MPRIP: variants seen among roughly 807,000 people sequenced by gnomAD.
MPRIP encodes myosin phosphatase Rho interacting protein.
Under a neutral mutation model 234.9 loss-of-function variants are expected in MPRIP, and 59 were observed. The observed-to-expected ratio is 0.25, with a 90% confidence interval of 0.20 to 0.31. The LOEUF (loss-of-function observed/expected upper bound fraction) is 0.31. MPRIP is among the 10% of genes least tolerant of loss of function. The pLI is 1.00. For synonymous variants in MPRIP, 1,144 were observed against 1,263.9 expected (o/e 0.91, Z 2.01); for missense variants, 2,436 against 3,071.0 (o/e 0.79, Z 4.89).
At position 17,165,128 on chromosome 17, in the gene MPRIP, G is replaced by C; in HGVS notation, c.3537G>C (p.Lys1179Asn). 5 of 1,304,246 alleles carry C rather than the reference G, an allele frequency of 3.8e-6. No homozygotes were observed. The highest frequency in any genetic ancestry group is 5.1e-6 in the Non-Finnish European group (5 of 988,990). The allele number at this position is 1,304,246 out of a possible 1,614,324, so 80.8% of individuals were successfully genotyped here. ...ELERIKEAHE[K>N]VLEKKEQDLN... ...AGCGCATTAAGGAAGCACATGAGAA[G>C]GTTCTGGAGAAGAAGGAGCAGGACC... The change falls in exon 16 of 24, where the codon AAG (lysine) becomes AAC (asparagine). Residue 1179 changes from lysine (K) to asparagine (N), a missense_variant. Physicochemically the swap from Lys to Asn is moderately conservative, Grantham distance 94. Around this residue, in one of 4 missense-constraint regions of MPRIP, gnomAD observed 1,998 missense variants for 2,520.3 expected, o/e 0.79. Coordinates refer to ENST00000651222, the MANE Select transcript of MPRIP (RefSeq NM_001364716.4).
Position 17,164,732 on chromosome 17 carries a change from C to T in MPRIP, c.3141C>T (p.Ala1047=), listed in dbSNP as rs1159004760. ...LQNLKEVEDK[A]SAYEDQLQGQ... is the part of the protein sequence containing the mutation. ...ACCTAAAGGAAGTGGAAGACAAGGC[C>T]AGCGCCTATGAGGACCAGCTGCAGG... is the stretch of plus-strand genomic sequence containing the variant. Residue 1047 remains alanine, a synonymous_variant, in exon 16 of 24, where the codon GCC becomes GCT. Coordinates refer to ENST00000651222, the MANE Select transcript of MPRIP (RefSeq NM_001364716.4). The T allele has an allele frequency of 7.7e-7, 1 of 1,300,568 alleles. No individual in the cohort carries two copies. Among genetic ancestry groups the T allele is most frequent in the Non-Finnish European group, 1.0e-6 (1 of 987,734 alleles). The allele number at this position is 1,300,568 out of a possible 1,614,324, so 80.6% of individuals were successfully genotyped here.
chr17:17,082,675 TA>T (rs2089492475), intron 3 of MPRIP, among the ~76,000 whole-genome samples: 1 of 152,180 alleles, frequency 6.6e-6, no homozygotes. Flanking sequence ...TCAGTGGCAT[TA>T]AGTACATTCA....
intron 3 of MPRIP, among the ~76,000 whole-genome samples, chr17:17,118,981 T>C (rs2090337311): frequency 6.6e-6 from 1 of 152,094 alleles, no homozygotes; most frequent in African/African-American, 2.4e-5. Flanking sequence ...ATCGGGCTCC[T>C]AGAAGCAGTT....
intron 14 of MPRIP, 51 bp downstream of exon 14, chr17:17,159,053 G>A: frequency 6.5e-7 from 1 of 1,544,624 alleles, no homozygotes; most frequent in Non-Finnish European, 8.8e-7. Flanking sequence ...CCTTTCCAGA[G>A]CATCAGCTGT....
intron 1 of MPRIP, among the ~76,000 whole-genome samples, chr17:17,046,858 C>T (rs763399558): frequency 5.9e-5 from 9 of 152,208 alleles, no homozygotes; most frequent in East Asian, 1.9e-4. Flanking sequence ...CGAATGAGTT[C>T]GAATGAGTTA....
rs1399174681 is a variant in MPRIP at position 17,137,774 on chromosome 17, T to G, written c.737-142T>G. On this transcript the variant is annotated intron_variant, in intron 6 of 23. Transcript: ENST00000651222. The stretch of plus-strand genomic sequence containing the variant: ...GGTTCTTTCCGTCTCACTCTGCCCT[T>G]GAGTGGGGTGTGCTGGATGTTAGAG... The G allele has an allele frequency of 6.9e-6, 4 of 581,430 alleles. No homozygotes were observed. The East Asian group carries it at 1.3e-4, about 19-fold the overall frequency. 36.0% of individuals were successfully genotyped at this position (581,430 alleles called of 1,614,324 possible). A position where few individuals can be genotyped will look rare whatever the true frequency, so the allele number is the denominator to read the frequency against.
intron 3 of MPRIP, among the ~76,000 whole-genome samples, chr17:17,105,161 C>T (rs2090038834): frequency 6.6e-6 from 1 of 152,204 alleles, no homozygotes; most frequent in Non-Finnish European, 1.5e-5. Context: ...CTGGGATGGG[C>T]ATCGCTTTCT....
chr17:17,121,359 TAGAG>T (rs1292662250), intron 3 of MPRIP, among the ~76,000 whole-genome samples: 3 of 152,206 alleles, frequency 2.0e-5, no homozygotes, highest in South Asian at 4.1e-4. Flanking sequence ...TAGCAAAACA[TAGAG>T]GGAGCTGTTG....
intron 1 of MPRIP, among the ~76,000 whole-genome samples, chr17:17,058,514 G>C (rs540404802): frequency 4.7e-5 from 7 of 147,918 alleles, no homozygotes; most frequent in Admixed American, 3.3e-4. Context: ...AGCCCCAGGG[G>C]CCATGGAGAG....
intron 3 of MPRIP, among the ~76,000 whole-genome samples, chr17:17,081,196 A>G (rs2089454379): frequency 1.3e-5 from 2 of 152,084 alleles, no homozygotes; most frequent in Non-Finnish European, 2.9e-5. Context: ...TGATGTTACC[A>G]TTTGATTTCA....
In MPRIP at chr17:17,158,740, G is replaced by A. The variant is rs1156956660; in HGVS notation, c.2138G>A (p.Arg713His). The change falls in exon 14 of 24, where the codon CGC (arginine) becomes CAC (histidine). Residue 713 changes from arginine to histidine, a missense_variant. By Grantham distance (29) the Arg-to-His change is conservative. This residue lies in a region of MPRIP where 1,998 missense variants were observed against 2,520.3 expected (regional missense o/e 0.79). Coordinates refer to ENST00000651222, the MANE Select transcript of MPRIP (RefSeq NM_001364716.4). ...RARRREERRK[R>H]FGMLDATDGP... ...CGGAGGCGGGAGGAGCGCCGCAAGCGCTTCGGGATGCTCGACGCCACAGAC... is the reference window on the plus strand; with the variant it reads ...CGGAGGCGGGAGGAGCGCCGCAAGCACTTCGGGATGCTCGACGCCACAGAC... 7 of 1,611,108 alleles carry A rather than the reference G, an allele frequency of 4.3e-6. No individual in the cohort carries two copies. The highest frequency in any genetic ancestry group is 1.7e-5 in the Admixed American group (1 of 60,006).
intron 6 of MPRIP, 51 bp downstream of exon 6, chr17:17,136,501 A>G (rs780661463): frequency 3.9e-6 from 6 of 1,532,024 alleles, no homozygotes; most frequent in Middle Eastern, 1.7e-4. Context: ...CCTCCCTCCC[A>G]TCAGAGCTGG....
intron 1 of MPRIP, among the ~76,000 whole-genome samples, chr17:17,055,016 C>A (rs2088650264): frequency 6.6e-6 from 1 of 151,130 alleles, no homozygotes; most frequent in Non-Finnish European, 1.5e-5. Context: ...CGCCACTGCA[C>A]TCCAACCTGG....
In MPRIP at chr17:17,167,654, G is replaced by A; in HGVS notation, c.6063G>A (p.Gln2021=). The change falls in exon 16 of 24, where the codon CAG becomes CAA. Residue 2021 remains glutamine, a synonymous_variant. Transcript: ENST00000651222. This position sits in a 1 kb window ranked among gnomAD's most constrained non-coding sequence, Gnocchi z 5.9. ...TIHEEELRTL[Q]EHYSQSLRCL... ...ACGAGGAGGAGCTGAGGACCCTGCA[G>A]GAGCACTACTCGCAGAGCCTGAGGT... 1 of 1,304,274 alleles carries A rather than the reference G, an allele frequency of 7.7e-7. No individual in the cohort carries two copies. Among genetic ancestry groups the A allele is most frequent in the Non-Finnish European group, 1.0e-6 (1 of 988,966 alleles). 80.8% of individuals were successfully genotyped at this position (1,304,274 alleles called of 1,614,324 possible).
intron 1 of MPRIP, among the ~76,000 whole-genome samples, chr17:17,050,224 A>G (rs1378987580): frequency 6.1e-5 from 9 of 147,808 alleles, no homozygotes; most frequent in African/African-American, 9.9e-5. Context: ...CTGAGGCAGG[A>G]GAATGGTGTG....
chr17:17,062,341 G>A (rs2088892466), intron 1 of MPRIP, among the ~76,000 whole-genome samples: 1 of 152,278 alleles, frequency 6.6e-6, no homozygotes, highest in Non-Finnish European at 1.5e-5. Context: ...GCCATGTAGT[G>A]GCATTTACAT....
At position 17,122,724 on chromosome 17, in the gene MPRIP, A is replaced by G. The variant is rs185452961; in HGVS notation, c.268-3978A>G. ...TCTTCCAAGAGTGCTGGTTAGAAGC[A>G]GTACATAAATACAATTTAAAAAGTT... On this transcript the variant is annotated intron_variant, in intron 3 of 23. Transcript: ENST00000651222. Among the ~76,000 whole-genome samples the G allele has an allele frequency of 1.1e-3, 172 of 152,382 alleles. 1 individual carries two copies. The highest frequency in any genetic ancestry group is 1.9e-3 in the Non-Finnish European group (128 of 68,040).
intron 21 of MPRIP, 142 bp downstream of exon 21, chr17:17,176,654 C>T: frequency 1.5e-6 from 1 of 684,066 alleles, no homozygotes; most frequent in Non-Finnish European, 2.5e-6. Flanking sequence ...CAAAATCAAG[C>T]CCTCTTAAAA....
intron 5 of MPRIP, among the ~76,000 whole-genome samples, chr17:17,132,887 T>TC (rs1297023523): frequency 2.6e-5 from 4 of 151,874 alleles, no homozygotes; most frequent in African/African-American, 4.8e-5. Flanking sequence ...AATACGTAAA[T>TC]CCCCCAAAGC....
Sources: gnomAD v4.1 joint callset for allele counts (sites outside exome capture counted in the v4.1 genomes callset) on GRCh38, gnomAD v4.1.1 for gene constraint, gnomAD v4.1.1 regional missense constraint, Gnocchi (gnomAD v3.1) non-coding constraint, MANE v1.5 for transcripts, NCBI Gene and HGNC (gene_info 2026-07-23, HGNC 2026-07-21) for gene names.